The following EPHA5 variants were observed in gnomAD, a reference collection of about 807,000 sequenced individuals.
EPHA5 encodes the protein ephrin type-A receptor 5.
Under a neutral mutation model 105.0 loss-of-function variants are expected in EPHA5, and 60 were observed. That is an observed-to-expected ratio of 0.57 (90% confidence interval 0.46 to 0.71). The LOEUF (loss-of-function observed/expected upper bound fraction) is 0.71. EPHA5 is among the 30% of genes least tolerant of loss of function. The probability of loss-of-function intolerance (pLI) is 0.00; values close to 1 mark genes in which losing one functional copy is unlikely to be tolerated. For synonymous variants in EPHA5, 513 were observed against 449.1 expected, an observed-to-expected ratio of 1.14 and a Z score of -1.80; for missense variants, 1,218 against 1,274.7, an observed-to-expected ratio of 0.96 and a Z score of 0.68.
At chr4:65,344,974 A>G (rs1326559228) in intron 14 of EPHA5, among the ~76,000 whole-genome samples, 1 of 152,170 alleles carries the variant, frequency 6.6e-6, no homozygotes, top group Non-Finnish European at 1.5e-5. Flanking sequence ...ACCAGATTGA[A>G]ATTTCTGGTA....
At chr4:65,644,862 A>G (rs1287918910) in intron 1 of EPHA5, among the ~76,000 whole-genome samples, 1 of 151,996 alleles carries the variant, frequency 6.6e-6, no homozygotes, top group Non-Finnish European at 1.5e-5. Flanking sequence ...ATATATACAC[A>G]TATATAGGTT....
chr4:65,420,088 C>T (rs2149035244), intron 6 of EPHA5, among the ~76,000 whole-genome samples: 1 of 152,148 alleles, frequency 6.6e-6, no homozygotes, highest in South Asian at 2.1e-4. Context: ...AGTTACTGGC[C>T]ATAAGCACAC....
chr4:65,516,401 G>C (rs536168901), intron 3 of EPHA5, among the ~76,000 whole-genome samples: 41 of 148,590 alleles, frequency 2.8e-4, no homozygotes, highest in African/African-American at 8.5e-4. Context: ...TCCTGATGTT[G>C]AGTAGGCTGA....
In EPHA5 at chr4:65,612,003, C is replaced by T. The variant is rs190949631; in HGVS notation, c.247-9699G>A. 4.5e-3 allele frequency among the ~76,000 whole-genome samples: 471 copies of T among 104,822 alleles called. 6 individuals carry two copies. The highest frequency in any genetic ancestry group is 0.017 in the African/African-American group (449 of 26,592). The allele number at this position is 104,822 out of a possible 152,430, so 68.8% of individuals were successfully genotyped here. A position where few individuals can be genotyped will look rare whatever the true frequency, so the allele number is the denominator to read the frequency against. ...CTGCACTCCAGCCTGGGCGATAGAG[C>T]GAGACCCTCTCTCAAAAAAAAAAAA... On this transcript the variant is annotated intron_variant, in intron 2 of 16. Coordinates refer to ENST00000613740, the MANE Select transcript of EPHA5 (RefSeq NM_001281766.3).
intron 5 of EPHA5, among the ~76,000 whole-genome samples, chr4:65,423,666 T>C (rs1724146159): frequency 7.0e-6 from 1 of 143,726 alleles, no homozygotes; most frequent in African/African-American, 2.7e-5. Context: ...TATGGGTTTG[T>C]CTGTTTTTTT....
chr4:65,493,871 T>C (rs1034629707), intron 4 of EPHA5, among the ~76,000 whole-genome samples: 12 of 151,300 alleles, frequency 7.9e-5, no homozygotes, highest in Admixed American at 7.3e-4. Flanking sequence ...TTAAAGAAAA[T>C]AACAATTAGA....
intron 1 of EPHA5, among the ~76,000 whole-genome samples, chr4:65,650,813 T>G (rs1429688817): frequency 6.6e-6 from 1 of 152,182 alleles, no homozygotes. Flanking sequence ...GCTTAACACT[T>G]TCTTCAAAAT....
In EPHA5 at chr4:65,414,306, A is replaced by G. The variant is rs367704412; in HGVS notation, c.1665T>C (p.Phe555=). The change falls in exon 7 of 17, where the codon TTT becomes TTC. Residue 555 remains phenylalanine, a synonymous_variant. Coordinates refer to ENST00000613740, the MANE Select transcript of EPHA5 (RefSeq NM_001281766.3). The part of the protein sequence containing the change: ...AAGYGVFSRR[F]EFETTPVSVA... Reference sequence around the variant, plus strand: ...TACACACTGGGGTGGTTTCAAACTCAAATCTTCGACTGAAGACACCATAGC... The same window carrying G: ...TACACACTGGGGTGGTTTCAAACTCGAATCTTCGACTGAAGACACCATAGC... The G allele has an allele frequency of 6.2e-7, 1 of 1,613,788 alleles. No homozygotes were observed. Among genetic ancestry groups the G allele is most frequent in the African/African-American group, 1.3e-5 (1 of 74,902 alleles).
chr4:65,473,209 G>T (rs1729459050), intron 5 of EPHA5, among the ~76,000 whole-genome samples: 1 of 152,056 alleles, frequency 6.6e-6, no homozygotes, highest in Admixed American at 6.6e-5. Flanking sequence ...AAGTCTCTAG[G>T]AAGTTCCAAG....
At chr4:65,575,756 G>A (rs1359060130) in intron 3 of EPHA5, among the ~76,000 whole-genome samples, 1 of 151,902 alleles carries the variant, frequency 6.6e-6, no homozygotes, top group Admixed American at 6.6e-5. Flanking sequence ...TGAATGGCCT[G>A]ACATCAGGAC....
chr4:65,586,766 A>G (rs1009502228), intron 3 of EPHA5, among the ~76,000 whole-genome samples: 5 of 152,072 alleles, frequency 3.3e-5, no homozygotes, highest in Non-Finnish European at 7.4e-5. Flanking sequence ...TTTATTTCCA[A>G]TTATAAAATA....
intron 3 of EPHA5, among the ~76,000 whole-genome samples, chr4:65,566,875 T>C (rs764569897): frequency 1.3e-5 from 2 of 151,732 alleles, no homozygotes; most frequent in African/African-American, 4.8e-5. Flanking sequence ...CTTTATTTTT[T>C]GATAATTTTT....
chr4:65,357,255 A>G (rs1015108584), intron 11 of EPHA5, among the ~76,000 whole-genome samples: 2 of 151,482 alleles, frequency 1.3e-5, no homozygotes, highest in Admixed American at 6.6e-5. Flanking sequence ...AAGGCTCAGA[A>G]AGGTTCAATA....
intron 5 of EPHA5, among the ~76,000 whole-genome samples, chr4:65,431,309 T>C (rs922423539): frequency 7.2e-5 from 11 of 152,286 alleles, no homozygotes; most frequent in African/African-American, 2.6e-4. Flanking sequence ...CAGATAGCCA[T>C]AAATATCCTC....
intron 3 of EPHA5, among the ~76,000 whole-genome samples, chr4:65,597,141 C>T (rs750633154): frequency 1.3e-5 from 2 of 152,118 alleles, no homozygotes; most frequent in South Asian, 2.1e-4. Flanking sequence ...CTCCTTATCC[C>T]GTATTTTAGC....
At chr4:65,508,887 T>A (rs1037323703) in intron 3 of EPHA5, among the ~76,000 whole-genome samples, 1 of 152,134 alleles carries the variant, frequency 6.6e-6, no homozygotes, top group Non-Finnish European at 1.5e-5. Flanking sequence ...TCTATGAATA[T>A]AAATATAGTA....
chr4:65,664,043 C>T (rs1046101759), intron 1 of EPHA5, among the ~76,000 whole-genome samples: 5 of 151,818 alleles, frequency 3.3e-5, no homozygotes, highest in Admixed American at 6.6e-5. Flanking sequence ...TCCATTTTTA[C>T]CTTGCTCAAA....
In EPHA5 at chr4:65,351,732, T is replaced by C. The variant is rs1029491791; in HGVS notation, c.2236-134A>G. 19 of 742,690 alleles carry C rather than the reference T, an allele frequency of 2.6e-5. No individual in the cohort carries two copies. In the African/African-American group the frequency reaches 2.7e-4, roughly 10 times the overall value. 46.0% of individuals were successfully genotyped at this position (742,690 alleles called of 1,614,324 possible). A position where few individuals can be genotyped will look rare whatever the true frequency, so the allele number is the denominator to read the frequency against. On this transcript the variant is annotated intron_variant, in intron 12 of 16. Coordinates refer to ENST00000613740, the MANE Select transcript of EPHA5 (RefSeq NM_001281766.3). ...ATATGCAATTTCTATCTGAAGGAGA[T>C]TGGAAAATGGTAGGAAGTATATGGC...
intron 2 of EPHA5, among the ~76,000 whole-genome samples, chr4:65,638,066 A>T (rs183558768): frequency 1.3e-5 from 2 of 152,152 alleles, no homozygotes; most frequent in African/African-American, 4.8e-5. Flanking sequence ...AGACATTTTT[A>T]CCAGTATAAG....
Sources: allele counts gnomAD v4.1 joint callset (sites outside exome capture counted in the v4.1 genomes callset), GRCh38; gene constraint gnomAD v4.1.1; transcripts MANE v1.5; gene names NCBI Gene and HGNC (gene_info 2026-07-23, HGNC 2026-07-21).